The following CDH13 variants were observed in gnomAD, a reference collection of about 807,000 sequenced individuals.
CDH13 encodes cadherin 13, also known as cadherin-13.
A neutral mutation model predicts 63.8 loss-of-function variants in CDH13; 24 were observed. That is an observed-to-expected ratio of 0.38 (90% CI 0.27 to 0.53). The LOEUF is 0.53. Ranked by LOEUF, CDH13 falls within the 20% of genes least tolerant of loss-of-function variation. The pLI is 0.85. For synonymous variants in CDH13, 503 were observed against 355.3 expected (o/e 1.42, Z -4.67); for missense variants, 1,049 against 903.1 (o/e 1.16, Z -2.07).
intron 3 of CDH13, among the ~76,000 whole-genome samples, chr16:83,057,821 G>A (rs1265924937): frequency 6.6e-6 from 1 of 152,116 alleles, no homozygotes. Flanking sequence ...TGTGCTTCCA[G>A]CACACTTGTA....
intron 5 of CDH13, among the ~76,000 whole-genome samples, chr16:83,241,175 A>G (rs1401452899): frequency 1.3e-5 from 2 of 152,166 alleles, no homozygotes; most frequent in Non-Finnish European, 2.9e-5. Context: ...TTCTTTTTCA[A>G]GAATGCATCA....
At chr16:83,459,324 G>T (rs902351915) in intron 6 of CDH13, among the ~76,000 whole-genome samples, 1 of 152,228 alleles carries the variant, frequency 6.6e-6, no homozygotes, top group Non-Finnish European at 1.5e-5. Flanking sequence ...CAGTGGGAGA[G>T]AGGACAGAAT....
At chr16:82,827,633 C>T (rs1339898852) in intron 1 of CDH13, among the ~76,000 whole-genome samples, 2 of 152,114 alleles carry the variant, frequency 1.3e-5, no homozygotes, top group East Asian at 3.9e-4. Flanking sequence ...TCTTTGACCT[C>T]AAGAAAGTCA....
intron 2 of CDH13, among the ~76,000 whole-genome samples, chr16:82,917,742 G>T (rs1205076046): frequency 6.6e-6 from 1 of 151,688 alleles, no homozygotes; most frequent in African/African-American, 2.4e-5. Context: ...TGAAACCTCG[G>T]CTCTACTAAA....
At chr16:83,533,524 A>G (rs1262179195) in intron 7 of CDH13, among the ~76,000 whole-genome samples, 1 of 152,090 alleles carries the variant, frequency 6.6e-6, no homozygotes, top group Non-Finnish European at 1.5e-5. Flanking sequence ...TGGGCATTGC[A>G]GTAAGGACCC....
intron 3 of CDH13, among the ~76,000 whole-genome samples, chr16:83,054,920 T>C (rs1597234833): frequency 6.6e-6 from 1 of 152,128 alleles, no homozygotes; most frequent in Non-Finnish European, 1.5e-5. Context: ...GGAATACTTA[T>C]CAATATATTG....
At chr16:83,220,660 A>G (rs916822831) in intron 5 of CDH13, among the ~76,000 whole-genome samples, 16 of 150,190 alleles carry the variant, frequency 1.1e-4, no homozygotes, top group African/African-American at 3.4e-4. Context: ...AGCAAGAAAA[A>G]AAAAGAAAAA....
intron 6 of CDH13, among the ~76,000 whole-genome samples, chr16:83,383,792 C>A (rs1470019907): frequency 6.6e-6 from 1 of 152,150 alleles, no homozygotes; most frequent in Non-Finnish European, 1.5e-5. Flanking sequence ...TCCTGCCCAA[C>A]CCTGGATTGA....
chr16:83,497,775 G>C (rs1377269639), intron 7 of CDH13, among the ~76,000 whole-genome samples: 1 of 152,206 alleles, frequency 6.6e-6, no homozygotes, highest in African/African-American at 2.4e-5. Flanking sequence ...TGGTCTATTA[G>C]ATCATTGGCC....
chr16:82,937,131 C>T (rs1019961941), intron 2 of CDH13, among the ~76,000 whole-genome samples: 1 of 152,142 alleles, frequency 6.6e-6, no homozygotes, highest in Non-Finnish European at 1.5e-5. Context: ...ACTAAACCCA[C>T]AAACGCCTGT....
intron 1 of CDH13, among the ~76,000 whole-genome samples, chr16:82,849,748 T>C (rs2039404508): frequency 6.6e-6 from 1 of 152,228 alleles, no homozygotes; most frequent in Non-Finnish European, 1.5e-5. Flanking sequence ...CTGATGACTT[T>C]AAGTTGAAGC....
chr16:82,660,794 T>G (rs1911850378), intron 1 of CDH13, among the ~76,000 whole-genome samples: 1 of 152,126 alleles, frequency 6.6e-6, no homozygotes, highest in Admixed American at 6.5e-5. Context: ...TCCCCCCTCG[T>G]TTTATTTAGA....
intron 1 of CDH13, among the ~76,000 whole-genome samples, chr16:82,781,109 C>G (rs1414406620): frequency 1.3e-5 from 2 of 152,166 alleles, no homozygotes; most frequent in Non-Finnish European, 2.9e-5. Flanking sequence ...AAGTTTGCCT[C>G]TAGGTTCACT....
chr16:83,698,380 G>C (rs1220577914), intron 10 of CDH13, among the ~76,000 whole-genome samples: 1 of 152,216 alleles, frequency 6.6e-6, no homozygotes, highest in Non-Finnish European at 1.5e-5. Context: ...ACAAGAAACT[G>C]CTTCTGTTTC....
chr16:83,004,579 C>T (rs1463942474), intron 2 of CDH13, among the ~76,000 whole-genome samples: 3 of 152,046 alleles, frequency 2.0e-5, no homozygotes, highest in Non-Finnish European at 2.9e-5. Context: ...CTCACTGCAA[C>T]GTGTGCCTCC....
chr16:83,452,357 A>G (rs958625785), intron 6 of CDH13, among the ~76,000 whole-genome samples: 2 of 21,938 alleles, frequency 9.1e-5, no homozygotes, highest in African/African-American at 3.2e-4. Flanking sequence ...TTGTTCAGCA[A>G]GTGTTTATAT....
Position 82,843,149 on chromosome 16 carries a change from G to C in CDH13, c.46-15213G>C, listed in dbSNP as rs538452453. On this transcript the variant is annotated intron_variant, in intron 1 of 13. Transcript: ENST00000567109. ...CTTTTTAAGTTGTGTTTTCAAAGAAGGTATCAGCATGTCAGTCTTTCCTAT... is the reference window on the plus strand; with the variant it reads ...CTTTTTAAGTTGTGTTTTCAAAGAACGTATCAGCATGTCAGTCTTTCCTAT... 3.9e-5 allele frequency among the ~76,000 whole-genome samples: 6 copies of C among 152,314 alleles called. No individual in the cohort carries two copies. The South Asian group carries it at 1.2e-3, about 32-fold the overall frequency.
At chr16:82,673,805 A>G (rs1195148102) in intron 1 of CDH13, among the ~76,000 whole-genome samples, 1 of 152,222 alleles carries the variant, frequency 6.6e-6, no homozygotes, top group African/African-American at 2.4e-5. Flanking sequence ...ACATATGCAT[A>G]CAAGCTCATC....
At chr16:82,802,089 A>G (rs887457955) in intron 1 of CDH13, among the ~76,000 whole-genome samples, 1 of 141,712 alleles carries the variant, frequency 7.1e-6, no homozygotes, top group Admixed American at 6.9e-5. Context: ...GGGGCAGCTC[A>G]CTGGGTTATT....
Sources: gnomAD v4.1 joint callset for allele counts (sites outside exome capture counted in the v4.1 genomes callset) on GRCh38, gnomAD v4.1.1 for gene constraint, MANE v1.5 for transcripts, NCBI Gene and HGNC (gene_info 2026-07-23, HGNC 2026-07-21) for gene names.